CDH5: variants seen among roughly 807,000 people sequenced by gnomAD.
CDH5 encodes the protein cadherin-5.
In CDH5, 28 loss-of-function variants were observed where a neutral mutation model predicts 62.0. The observed-to-expected ratio is 0.45, with a 90% CI of 0.33 to 0.62. The LOEUF is 0.62. Among genes scored for constraint, CDH5 ranks in the 20% least tolerant of loss-of-function variants. The pLI is 0.02. For synonymous variants in CDH5, 464 were observed against 445.8 expected (o/e 1.04, Z -0.52); for missense variants, 940 against 1,065.1 (o/e 0.88, Z 1.63).
At chr16:66,384,706 C>A (rs2142323115) in intron 2 of CDH5, among the ~76,000 whole-genome samples, 1 of 150,514 alleles carries the variant, frequency 6.6e-6, no homozygotes, top group East Asian at 2.0e-4. Flanking sequence ...TGGCTCACAC[C>A]TGTAATCACA....
chr16:66,379,434 C>T lies in CDH5; in HGVS notation c.97C>T (p.Arg33Trp), dbSNP rs141788977. Residue 33 changes from arginine to tryptophan, a missense_variant, in exon 2 of 12, where the codon CGG (arginine) becomes TGG (tryptophan). Coordinates refer to ENST00000341529, the MANE Select transcript of CDH5 (RefSeq NM_001795.5). ...VAAAGANPAQRDTHSLLPTHR... is the reference protein window; with the variant it reads ...VAAAGANPAQWDTHSLLPTHR... ...AGCAGCAGGTGCTAACCCTGCCCAA[C>T]GGGACACCCACAGCCTGCTGCCCAC... The T allele has an allele frequency of 4.2e-5, 68 of 1,614,068 alleles. No individual in the cohort carries two copies. Among genetic ancestry groups the T allele is most frequent in the African/African-American group, 1.1e-4 (8 of 74,928 alleles).
intron 1 of CDH5, among the ~76,000 whole-genome samples, chr16:66,374,969 C>T (rs1054966991): frequency 1.3e-5 from 2 of 151,962 alleles, no homozygotes; most frequent in African/African-American, 2.4e-5. Context: ...CACGACAGGC[C>T]CCGGTGTGTG....
intron 1 of CDH5, among the ~76,000 whole-genome samples, chr16:66,369,202 C>G (rs980171303): frequency 6.6e-6 from 1 of 152,160 alleles, no homozygotes; most frequent in Non-Finnish European, 1.5e-5. Flanking sequence ...AAGTGGGACC[C>G]AGGGGCAGGC....
chr16:66,396,930 C>A (rs955853214), intron 8 of CDH5, among the ~76,000 whole-genome samples: 3 of 152,184 alleles, frequency 2.0e-5, no homozygotes, highest in Non-Finnish European at 4.4e-5. Flanking sequence ...TGGACTCCTG[C>A]ATGTTTGGCC....
intron 6 of CDH5, among the ~76,000 whole-genome samples, chr16:66,391,633 C>T (rs1272617300): frequency 2.6e-5 from 4 of 152,068 alleles, no homozygotes; most frequent in South Asian, 2.1e-4. Flanking sequence ...ATTAGCTGGG[C>T]GTGGTGGCAG....
At chr16:66,368,048 G>A (rs1342663187) in intron 1 of CDH5, among the ~76,000 whole-genome samples, 1 of 152,208 alleles carries the variant, frequency 6.6e-6, no homozygotes, top group East Asian at 1.9e-4. Flanking sequence ...GTGCAAGTGA[G>A]AGGACATCGC....
In CDH5 at chr16:66,379,437, G is replaced by A. The variant is rs770137031; in HGVS notation, c.100G>A (p.Asp34Asn). The A allele has an allele frequency of 2.4e-5, 39 of 1,614,092 alleles. 1 individual carries two copies. The South Asian group carries it at 4.1e-4, about 17-fold the overall frequency. The change falls in exon 2 of 12, where the codon GAC becomes AAC. Residue 34 changes from aspartate to asparagine, a missense_variant. Asp to Asn is a conservative substitution (Grantham distance 23). Coordinates refer to ENST00000341529, the MANE Select transcript of CDH5 (RefSeq NM_001795.5). ...AAAGANPAQRDTHSLLPTHRR... is the reference protein window; with the variant it reads ...AAAGANPAQRNTHSLLPTHRR... ...AGCAGGTGCTAACCCTGCCCAACGGGACACCCACAGCCTGCTGCCCACCCA... is the reference window on the plus strand; with the variant it reads ...AGCAGGTGCTAACCCTGCCCAACGGAACACCCACAGCCTGCTGCCCACCCA...
In CDH5 at chr16:66,390,417, G is replaced by T; in HGVS notation, c.796G>T (p.Val266Phe). Residue 266 changes from valine (V) to phenylalanine (F), a missense_variant, in exon 6 of 12, where the codon GTC becomes TTC. Coordinates refer to ENST00000341529, the MANE Select transcript of CDH5 (RefSeq NM_001795.5). Reference protein sequence around the residue: ...PFFTQTKYTFVVPEDTRVGTS... With the variant: ...PFFTQTKYTFFVPEDTRVGTS... ...GTTTGCATCAGCCAAGTACACATTT[G>T]TCGTGCCTGAAGACACCCGTGTGGG... is the stretch of plus-strand genomic sequence containing the variant. 1 of 1,613,582 alleles carries T rather than the reference G, an allele frequency of 6.2e-7. No homozygotes were observed. Among genetic ancestry groups the T allele is most frequent in the Non-Finnish European group, 8.5e-7 (1 of 1,179,694 alleles).
rs1462505401 is a variant in CDH5 at position 66,397,870 on chromosome 16, C to A, written c.1361-112C>A. ...ACCATCCTGGGCCTCTGTTCCACAG[C>A]CTCCTCCTGCAAAAAGTGGCCTCCA... On this transcript the variant is annotated intron_variant, in intron 8 of 11. Transcript: ENST00000341529. 7 of 1,213,812 alleles carry A rather than the reference C, an allele frequency of 5.8e-6. No individual in the cohort carries two copies. The South Asian group carries it at 7.9e-5, about 14-fold the overall frequency. The allele number at this position is 1,213,812 out of a possible 1,614,324, so 75.2% of individuals were successfully genotyped here.
Position 66,386,802 on chromosome 16 carries a change from T to C in CDH5, c.211-7T>C. On this transcript the variant is annotated splice_region_variant and splice_polypyrimidine_tract_variant and intron_variant, in intron 2 of 11. Coordinates refer to ENST00000341529, the MANE Select transcript of CDH5 (RefSeq NM_001795.5). ...ATTCCCAGCTCACGTCACCTCTTCT[T>C]TTCTAGATCAAGTCAAGCGTGAGTC... 6.3e-7 allele frequency: 1 copy of C among 1,594,752 alleles called. No homozygotes were observed. The highest frequency in any genetic ancestry group is 8.6e-7 in the Non-Finnish European group (1 of 1,168,706).
At chr16:66,393,639 A>G (rs1335797647) in intron 7 of CDH5, among the ~76,000 whole-genome samples, 1 of 152,200 alleles carries the variant, frequency 6.6e-6, no homozygotes, top group East Asian at 1.9e-4. Flanking sequence ...TTTCAACATG[A>G]GATTCGGTGG....
chr16:66,378,640 A>T (rs1049947492), intron 1 of CDH5, among the ~76,000 whole-genome samples: 2 of 152,222 alleles, frequency 1.3e-5, no homozygotes, highest in Admixed American at 6.5e-5. Flanking sequence ...CTGGGGACTT[A>T]GGAGCTGCCA....
intron 11 of CDH5, among the ~76,000 whole-genome samples, chr16:66,401,400 A>G (rs865995754): frequency 6.6e-6 from 1 of 152,258 alleles, no homozygotes; most frequent in Non-Finnish European, 1.5e-5. Flanking sequence ...GAAAAAGGAA[A>G]AAGGATCCAG....
Position 66,379,343 on chromosome 16 carries a change from G to A in CDH5, c.6G>A (p.Gln2=). 2 of 1,607,516 alleles carry A rather than the reference G, an allele frequency of 1.2e-6. No homozygotes were observed. The highest frequency in any genetic ancestry group is 1.7e-6 in the Non-Finnish European group (2 of 1,175,556). The change falls in exon 2 of 12, where the codon CAG becomes CAA. Residue 2 remains glutamine, a synonymous_variant. Coordinates refer to ENST00000341529, the MANE Select transcript of CDH5 (RefSeq NM_001795.5). The part of the protein sequence containing the change: M[Q]RLMMLLATSG... ...GATCTGTTCCTCCTGGGAAGATGCA[G>A]AGGCTCATGATGCTCCTCGCCACAT...
Position 66,390,514 on chromosome 16 carries a change from T to A in CDH5, c.893T>A (p.Leu298Ter). ...AACCGGATGACCAAGTACAGCATCT[T>A]GCGGGGCGACTACCAGGACGCTTTC... is the stretch of plus-strand genomic sequence containing the variant. Reference protein sequence around the residue: ...PQNRMTKYSILRGDYQDAFTI... With the variant: ...PQNRMTKYSI The change falls in exon 6 of 12, where the codon TTG becomes TAG. Residue 298 changes from leucine (L) to a stop codon, truncating the protein, a stop_gained. Transcript: ENST00000341529. LOFTEE classifies it high-confidence loss of function. 1.2e-6 allele frequency: 2 copies of A among 1,614,094 alleles called. No individual in the cohort carries two copies. The highest frequency in any genetic ancestry group is 1.7e-6 in the Non-Finnish European group (2 of 1,180,018).
chr16:66,398,834 C>T (rs979763841), intron 10 of CDH5, among the ~76,000 whole-genome samples: 2 of 152,208 alleles, frequency 1.3e-5, no homozygotes, highest in African/African-American at 2.4e-5. Flanking sequence ...AAATTGAGGG[C>T]AGGCTCCCAC....
intron 7 of CDH5, chr16:66,392,745 G>T: frequency 4.3e-6 from 1 of 230,076 alleles, no homozygotes. Flanking sequence ...CTGTATTCTT[G>T]AATCTATCTT....
Position 66,379,212 on chromosome 16 carries a change from C to G in CDH5, c.-19-107C>G. ...TAATTACCCGCAGATTGTGTTTGCC[C>G]CAGGCTTTTGGCATTATATCTAGCT... On this transcript the variant is annotated intron_variant, in intron 1 of 11. Transcript: ENST00000341529. The G allele has an allele frequency of 4.9e-6, 4 of 809,312 alleles. No homozygotes were observed. In the South Asian group the frequency reaches 7.0e-5, roughly 14 times the overall value. The allele number at this position is 809,312 out of a possible 1,614,324, so 50.1% of individuals were successfully genotyped here.
intron 7 of CDH5, chr16:66,392,591 C>A: frequency 1.7e-6 from 1 of 605,988 alleles, no homozygotes; most frequent in Non-Finnish European, 2.9e-6. Context: ...CTAGCATGGT[C>A]CTGGGCATCC....
Sources: allele counts gnomAD v4.1 joint callset (sites outside exome capture counted in the v4.1 genomes callset), GRCh38; gene constraint gnomAD v4.1.1; transcripts MANE v1.5; gene names NCBI Gene and HGNC (gene_info 2026-07-23, HGNC 2026-07-21).